FRY: variants seen among roughly 807,000 people sequenced by gnomAD.
FRY encodes the protein protein furry homolog.
FRY carries 128 observed loss-of-function variants against 348.4 expected under a neutral mutation model. That is an observed-to-expected ratio of 0.37 (90% CI 0.32 to 0.43). The LOEUF (loss-of-function observed/expected upper bound fraction) is 0.43, where lower values mean the gene tolerates loss of function less well. Among genes scored for constraint, FRY ranks in the 20% least tolerant of loss-of-function variants. The pLI, the probability that FRY is intolerant of heterozygous loss-of-function variation, is 1.00. For missense variants in FRY, 2,736 were observed against 3,695.2 expected (o/e 0.74, Z 6.73); for synonymous variants, 1,370 against 1,374.7 (o/e 1.00, Z 0.08).
intron 46 of FRY, among the ~76,000 whole-genome samples, chr13:32,240,988 T>C (rs1035468385): frequency 1.3e-5 from 2 of 152,202 alleles, no homozygotes; most frequent in African/African-American, 4.8e-5. Context: ...GTGTGACCTG[T>C]GTTCAGACTG....
intron 51 of FRY, chr13:32,257,925 C>A: frequency 6.3e-7 from 1 of 1,581,706 alleles, no homozygotes; most frequent in Non-Finnish European, 8.7e-7. Flanking sequence ...GTAAATAGAC[C>A]TTTTGTTTGT....
At chr13:32,090,537 G>T (rs780035111) in intron 2 of FRY, among the ~76,000 whole-genome samples, 10 of 152,016 alleles carry the variant, frequency 6.6e-5, no homozygotes, top group Admixed American at 2.0e-4. Flanking sequence ...GATAGGAAAA[G>T]ATCCATCCAC....
intron 2 of FRY, among the ~76,000 whole-genome samples, chr13:32,096,517 G>C (rs566783919): frequency 6.6e-6 from 1 of 152,226 alleles, no homozygotes; most frequent in Non-Finnish European, 1.5e-5. Flanking sequence ...TTGTGTGCAG[G>C]TGCAGTGGCA....
chr13:32,268,505 A>ATATATATAT (rs1555273231), intron 55 of FRY, among the ~76,000 whole-genome samples: 4 of 28,258 alleles, frequency 1.4e-4, no homozygotes, highest in Admixed American at 4.8e-4. Flanking sequence ...AAAAAAAAAA[A>ATATATATAT]ATATATATAT....
At chr13:32,246,538 C>A (rs546432175) in intron 47 of FRY, among the ~76,000 whole-genome samples, 130 of 152,304 alleles carry the variant, frequency 8.5e-4, no homozygotes, top group African/African-American at 3.0e-3. Context: ...GGGAGATGAC[C>A]CTTGCAGGCC....
intron 17 of FRY, 99 bp downstream of exon 17, chr13:32,161,350 C>A: frequency 4.7e-6 from 4 of 859,584 alleles, no homozygotes; most frequent in South Asian, 1.3e-5. Context: ...AAATATTTAC[C>A]AAATGAGGTA....
At chr13:32,102,685 A>C (rs973244355) in intron 3 of FRY, among the ~76,000 whole-genome samples, 3 of 152,244 alleles carry the variant, frequency 2.0e-5, no homozygotes, top group African/African-American at 7.2e-5. Flanking sequence ...GGTAATAAAC[A>C]TATGAAATCA....
intron 1 of FRY, among the ~76,000 whole-genome samples, chr13:32,037,175 C>T (rs1872558639): frequency 6.6e-6 from 1 of 151,812 alleles, no homozygotes; most frequent in African/African-American, 2.4e-5. Context: ...AGTTCTGTGC[C>T]CTATGATCAT....
chr13:32,278,731 G>C (rs908), intron 58 of FRY, 183 bp downstream of exon 58: 1 of 706,712 alleles, frequency 1.4e-6, no homozygotes, highest in South Asian at 1.4e-5. Flanking sequence ...GATGGGATTT[G>C]TGGGGAGGTT....
At chr13:32,147,756 A>T in intron 12 of FRY, 83 bp from the exon 13 acceptor site, 1 of 817,266 alleles carries the variant, frequency 1.2e-6, no homozygotes, top group East Asian at 2.4e-5. Flanking sequence ...TTCTTAGATA[A>T]GATGAAATAT....
chr13:32,256,236 G>T (rs999842990), intron 51 of FRY, among the ~76,000 whole-genome samples: 16 of 152,006 alleles, frequency 1.1e-4, no homozygotes, highest in Non-Finnish European at 1.9e-4. Flanking sequence ...TCATTGTTAA[G>T]ATTTTATAAG....
chr13:32,154,210 G>C (rs1026122908), intron 14 of FRY, among the ~76,000 whole-genome samples: 6 of 152,038 alleles, frequency 3.9e-5, no homozygotes, highest in Non-Finnish European at 7.4e-5. Context: ...TCTCATAAAA[G>C]AACTATCAAA....
At chr13:32,130,650 A>G (rs996172854) in intron 7 of FRY, among the ~76,000 whole-genome samples, 6 of 152,166 alleles carry the variant, frequency 3.9e-5, no homozygotes, top group Non-Finnish European at 7.3e-5. Flanking sequence ...TATTGTTGTA[A>G]TTAGTATTAT....
chr13:32,290,420 C>A (rs922298240), intron 59 of FRY, among the ~76,000 whole-genome samples: 2 of 152,058 alleles, frequency 1.3e-5, no homozygotes, highest in African/African-American at 4.8e-5. Flanking sequence ...CCTGAATGGA[C>A]TCTCAGAGGG....
chr13:32,219,551 G>T (rs1885203615), intron 36 of FRY, among the ~76,000 whole-genome samples: 1 of 150,286 alleles, frequency 6.7e-6, no homozygotes, highest in Non-Finnish European at 1.5e-5. Context: ...GAGGTCAGGA[G>T]ATTGAGACCA....
chr13:32,286,543 C>G (rs1413113224), intron 58 of FRY, among the ~76,000 whole-genome samples: 1 of 151,774 alleles, frequency 6.6e-6, no homozygotes, highest in Non-Finnish European at 1.5e-5. Flanking sequence ...GTCAGGAGAT[C>G]AAGACCATCC....
intron 4 of FRY, among the ~76,000 whole-genome samples, chr13:32,118,221 TAC>T (rs1277089134): frequency 5.3e-5 from 8 of 152,178 alleles, no homozygotes; most frequent in Admixed American, 3.9e-4. Flanking sequence ...GAAAGATTAA[TAC>T]ACTTACCTTT....
chr13:32,124,682 G>A lies in FRY; in HGVS notation c.635+1G>A. ...TCAAGCACTTTAAATACAAAGAAGG[G>A]TAAGATGATTTCTCACCTTAGAATG... On this transcript the variant is annotated splice_donor_variant, in intron 6 of 60. Coordinates refer to ENST00000542859, the MANE Select transcript of FRY (RefSeq NM_023037.3). LOFTEE classifies it high-confidence loss of function. 3 of 1,558,520 alleles carry A rather than the reference G, an allele frequency of 1.9e-6. No individual in the cohort carries two copies. Among genetic ancestry groups the A allele is most frequent in the Non-Finnish European group, 2.7e-6 (3 of 1,129,378 alleles).
In FRY at chr13:32,194,300, A is replaced by G; in HGVS notation, c.3746+3A>G. 6.2e-7 allele frequency: 1 copy of G among 1,613,946 alleles called. No individual in the cohort carries two copies. Among genetic ancestry groups the G allele is most frequent in the Non-Finnish European group, 8.5e-7 (1 of 1,179,790 alleles). On this transcript the variant is annotated splice_donor_region_variant and intron_variant, in intron 29 of 60. Coordinates refer to ENST00000542859, the MANE Select transcript of FRY (RefSeq NM_023037.3). ...ATAGCAACTGTGTGTGGAAGCAGGTACGAATTTTTATAAGCAGTGATGAGT... is the reference window on the plus strand; with the variant it reads ...ATAGCAACTGTGTGTGGAAGCAGGTGCGAATTTTTATAAGCAGTGATGAGT...
Sources: allele counts gnomAD v4.1 joint callset (sites outside exome capture counted in the v4.1 genomes callset), GRCh38; gene constraint gnomAD v4.1.1; transcripts MANE v1.5; gene names NCBI Gene and HGNC (gene_info 2026-07-23, HGNC 2026-07-21).